The following OR4F3 variants were observed in gnomAD, a reference collection of about 807,000 sequenced individuals.
OR4F3 encodes the protein olfactory receptor family 4 subfamily F member 3, also known as olfactory receptor 4F3/4F16/4F29.
chr5:181,354,612 G>A, the OR4F3 span, among the ~76,000 whole-genome samples: 12 of 118,470 alleles, frequency 1.0e-4, no homozygotes, highest in African/African-American at 1.5e-4. Context: ...TCCAGACCCC[G>A]GAATGGTAGA....
the OR4F3 span, among the ~76,000 whole-genome samples, chr5:181,356,710 C>G: frequency 7.2e-6 from 1 of 138,222 alleles, no homozygotes; most frequent in African/African-American, 2.8e-5. Flanking sequence ...TTCTCTGACT[C>G]ACATCAAATC....
the OR4F3 span, among the ~76,000 whole-genome samples, chr5:181,359,461 A>G: frequency 9.4e-6 from 1 of 106,036 alleles, no homozygotes; most frequent in Non-Finnish European, 1.7e-5. Context: ...TTAAAAATTT[A>G]AAGGGACAAC....
chr5:181,357,276 A>G, the OR4F3 span, among the ~76,000 whole-genome samples: 1 of 133,900 alleles, frequency 7.5e-6, no homozygotes, highest in Non-Finnish European at 1.6e-5. Flanking sequence ...ACCAGAATAT[A>G]TTTCTACTAT....
At chr5:181,354,449 C>T in the OR4F3 span, among the ~76,000 whole-genome samples, 2 of 131,570 alleles carry the variant, frequency 1.5e-5, 1 homozygote, top group Non-Finnish European at 3.2e-5. Context: ...ATGGAAATGC[C>T]TGGATCTCCA....
At chr5:181,363,486 A>G (rs1335611167), upstream of OR4F3, among the ~76,000 whole-genome samples, 2 of 97,204 alleles carry the variant, frequency 2.1e-5, no homozygotes, top group Non-Finnish European at 3.5e-5. Context: ...ATTTGAAGAT[A>G]AAAGAGGTGA....
the OR4F3 span, among the ~76,000 whole-genome samples, chr5:181,359,408 TTTA>T: frequency 1.0e-5 from 1 of 99,978 alleles, no homozygotes; most frequent in Non-Finnish European, 1.9e-5. Flanking sequence ...TCAATTACAT[TTTA>T]TGTTTAAATT....
the OR4F3 span, among the ~76,000 whole-genome samples, chr5:181,359,720 G>C: frequency 1.5e-5 from 2 of 131,030 alleles, no homozygotes; most frequent in Non-Finnish European, 3.2e-5. Flanking sequence ...CTACCCTCTG[G>C]GGCTGTGATT....
At chr5:181,362,622 C>T (rs1317099607), upstream of OR4F3, among the ~76,000 whole-genome samples, 2 of 117,064 alleles carry the variant, frequency 1.7e-5, no homozygotes, top group Non-Finnish European at 3.4e-5. Flanking sequence ...AATTACCATA[C>T]CTGAGAATCA....
chr5:181,362,538 G>C (rs557776591), upstream of OR4F3, among the ~76,000 whole-genome samples: 1 of 124,606 alleles, frequency 8.0e-6, no homozygotes, highest in Non-Finnish European at 1.6e-5. Context: ...TTTTTTTTGG[G>C]GGGGGTGCTG....
At chr5:181,357,038 A>G in the OR4F3 span, among the ~76,000 whole-genome samples, 5 of 134,404 alleles carry the variant, frequency 3.7e-5, 1 homozygote, top group Admixed American at 3.6e-4. Flanking sequence ...TATAAATTAT[A>G]TTTAGTTCTT....
chr5:181,348,718 T>C, the OR4F3 span, among the ~76,000 whole-genome samples: 3 of 12,990 alleles, frequency 2.3e-4, 1 homozygote, highest in African/African-American at 3.6e-4. Flanking sequence ...CTAGTACACG[T>C]GCTCACTGAA....
At chr5:181,361,591 C>T in the OR4F3 span, among the ~76,000 whole-genome samples, 1 of 125,494 alleles carries the variant, frequency 8.0e-6, no homozygotes, top group East Asian at 2.2e-4. Context: ...ACCAAACTTA[C>T]CATTTTTGAA....
At chr5:181,356,936 T>C in the OR4F3 span, among the ~76,000 whole-genome samples, 3 of 134,994 alleles carry the variant, frequency 2.2e-5, no homozygotes, top group Non-Finnish European at 3.2e-5. Context: ...TTTATTTTAA[T>C]ATTTTCATGG....
chr5:181,359,071 G>A, the OR4F3 span, among the ~76,000 whole-genome samples: 2 of 117,136 alleles, frequency 1.7e-5, no homozygotes, highest in Non-Finnish European at 3.5e-5. Context: ...AAGATTATAT[G>A]TGTTTTGTGA....
chr5:181,354,401 C>T, the OR4F3 span, among the ~76,000 whole-genome samples: 23 of 130,306 alleles, frequency 1.8e-4, 2 homozygotes, highest in African/African-American at 5.5e-4. Context: ...AGTCCAGAAT[C>T]GAGGTATGGG....
the OR4F3 span, among the ~76,000 whole-genome samples, chr5:181,356,984 C>A: frequency 1.3e-3 from 171 of 129,118 alleles, no homozygotes; most frequent in African/African-American, 5.3e-3. Context: ...TTGTATGTAC[C>A]TATTTTCTTT....
chr5:181,362,800 GAGCA>G (rs1761081969), upstream of OR4F3, among the ~76,000 whole-genome samples: 1 of 64,188 alleles, frequency 1.6e-5, no homozygotes, highest in African/African-American at 9.7e-5. Context: ...TGGAGCAAGG[GAGCA>G]AGCAAGCAAG....
chr5:181,357,336 T>C, the OR4F3 span, among the ~76,000 whole-genome samples: 1 of 132,858 alleles, frequency 7.5e-6, no homozygotes, highest in Non-Finnish European at 1.6e-5. Flanking sequence ...TATACAGTTA[T>C]GGTTTGTAAC....
the OR4F3 span, among the ~76,000 whole-genome samples, chr5:181,358,315 G>T: frequency 7.6e-6 from 1 of 131,068 alleles, no homozygotes; most frequent in African/African-American, 3.2e-5. Flanking sequence ...AATATTATTA[G>T]TCTTTGAATA....
Sources: allele counts gnomAD v4.1 joint callset (sites outside exome capture counted in the v4.1 genomes callset), GRCh38; gene constraint gnomAD v4.1.1; transcripts MANE v1.5; gene names NCBI Gene and HGNC (gene_info 2026-07-23, HGNC 2026-07-21).